Variants in POLN observed in about 807,000 individuals in gnomAD.
POLN encodes the protein DNA polymerase nu.
POLN carries 108 observed loss-of-function variants against 113.5 expected under a neutral mutation model. That is an observed-to-expected ratio of 0.95 (90% confidence interval 0.81 to 1.12). POLN has a LOEUF of 1.12. Among genes scored for constraint, POLN ranks in the 50% most tolerant of loss-of-function variants. The pLI, the probability that POLN is intolerant of heterozygous loss-of-function variation, is 0.00. For synonymous variants in POLN, 386 were observed against 391.5 expected (o/e 0.99, Z 0.17); for missense variants, 1,097 against 1,077.1 (o/e 1.02, Z -0.26).
At chr4:2,197,863 C>T (rs1229218159) in intron 6 of POLN, among the ~76,000 whole-genome samples, 1 of 152,168 alleles carries the variant, frequency 6.6e-6, no homozygotes, top group East Asian at 1.9e-4. Flanking sequence ...GGCCTTAAAT[C>T]AGAGGGCTGG....
chr4:2,106,740 T>G (rs1462955961), intron 19 of POLN, among the ~76,000 whole-genome samples: 3 of 152,198 alleles, frequency 2.0e-5, no homozygotes, highest in Non-Finnish European at 2.9e-5. Context: ...TCATTTTTTT[T>G]CCATTGATCT....
chr4:2,093,084 C>T lies in POLN; in HGVS notation c.2065+2767G>A, dbSNP rs1353503042. On this transcript the variant is annotated intron_variant, in intron 20 of 25. Transcript: ENST00000511885. The surrounding 1 kb of genome is among the most constrained non-coding windows in gnomAD (Gnocchi z 4.1). ...CAGTGCTTATTTACAAAATGTAGCTCTTTTCCTCTCCAGAAAAAAAAAAAA... is the reference window on the plus strand; with the variant it reads ...CAGTGCTTATTTACAAAATGTAGCTTTTTTCCTCTCCAGAAAAAAAAAAAA... Among the ~76,000 whole-genome samples the T allele has an allele frequency of 6.6e-6, 1 of 151,514 alleles. No individual in the cohort carries two copies. Among genetic ancestry groups the T allele is most frequent in the African/African-American group, 2.4e-5 (1 of 40,938 alleles).
intron 3 of POLN, among the ~76,000 whole-genome samples, chr4:2,225,224 A>G (rs1444265155): frequency 6.6e-6 from 1 of 152,164 alleles, no homozygotes; most frequent in Non-Finnish European, 1.5e-5. Context: ...AGCAAAAAAA[A>G]CCTTGAACCT....
intron 13 of POLN, among the ~76,000 whole-genome samples, chr4:2,162,221 C>T (rs534348319): frequency 2.6e-5 from 4 of 152,282 alleles, no homozygotes; most frequent in South Asian, 2.1e-4. Flanking sequence ...ACACTCACTG[C>T]GAAGGTCTGC....
intron 5 of POLN, among the ~76,000 whole-genome samples, chr4:2,200,321 G>A (rs1358024597): frequency 6.6e-6 from 1 of 152,202 alleles, no homozygotes; most frequent in Non-Finnish European, 1.5e-5. Flanking sequence ...CAGATGGGAG[G>A]CAGGACTAGA....
chr4:2,119,687 A>G (rs1731397533), intron 19 of POLN, among the ~76,000 whole-genome samples: 1 of 152,222 alleles, frequency 6.6e-6, no homozygotes, highest in African/African-American at 2.4e-5. Flanking sequence ...TGTTTCAAAC[A>G]ATAAGGCATT....
chr4:2,123,318 C>T (rs1731494768), intron 19 of POLN, among the ~76,000 whole-genome samples: 1 of 151,418 alleles, frequency 6.6e-6, no homozygotes, highest in Admixed American at 6.6e-5. Context: ...GGCGAAACCT[C>T]ATCTCTACTA....
At chr4:2,080,804 A>G (rs979124741) in intron 23 of POLN, 154 bp downstream of exon 23, 1 of 1,509,502 alleles carries the variant, frequency 6.6e-7, no homozygotes, top group Non-Finnish European at 8.8e-7. Flanking sequence ...TGCTGTGAGT[A>G]GCCCCCAGGG....
chr4:2,086,789 T>G (rs1246189332), intron 20 of POLN, among the ~76,000 whole-genome samples: 1 of 152,180 alleles, frequency 6.6e-6, no homozygotes, highest in Admixed American at 6.5e-5. Flanking sequence ...GGACCAGCAG[T>G]GGTCTTGGCT....
chr4:2,100,859 G>T (rs540625624), intron 19 of POLN, among the ~76,000 whole-genome samples: 1 of 152,316 alleles, frequency 6.6e-6, no homozygotes, highest in Admixed American at 6.5e-5. Context: ...GGGAAACTAT[G>T]AAGTTAAATG....
intron 24 of POLN, among the ~76,000 whole-genome samples, chr4:2,073,625 G>C (rs1279124875): frequency 6.6e-6 from 1 of 152,250 alleles, no homozygotes; most frequent in Non-Finnish European, 1.5e-5. Flanking sequence ...GCCTGGGCAG[G>C]GGCCAGAGGT....
chr4:2,179,082 T>G (rs1468040221), intron 8 of POLN, among the ~76,000 whole-genome samples: 1 of 152,204 alleles, frequency 6.6e-6, no homozygotes, highest in Non-Finnish European at 1.5e-5. Flanking sequence ...AGAGTCACAC[T>G]ATGGACAGAT....
In POLN at chr4:2,085,599, T is replaced by A. The variant is rs1730529461; in HGVS notation, c.2197+14A>T. On this transcript the variant is annotated intron_variant, in intron 21 of 25. Coordinates refer to ENST00000511885, the MANE Select transcript of POLN (RefSeq NM_181808.4). ...TTGGCAGGGAGCAGGGAGCTCTGGT[T>A]GTGGCCAACTCACCTGTCTGGTGAC... The A allele has an allele frequency of 1.2e-6, 2 of 1,613,456 alleles. No individual in the cohort carries two copies. Among genetic ancestry groups the A allele is most frequent in the Admixed American group, 1.7e-5 (1 of 59,988 alleles).
chr4:2,174,690 C>A lies in POLN; in HGVS notation c.1309+1G>T. The A allele has an allele frequency of 1.9e-6, 3 of 1,605,824 alleles. No homozygotes were observed. The highest frequency in any genetic ancestry group is 1.1e-5 in the South Asian group (1 of 90,864). ...TGTACTTCATCTTTATGGTAACTTA[C>A]CTGCCAAAATTGGTATCAGAGGAAG... On this transcript the variant is annotated splice_donor_variant, in intron 10 of 25. Transcript: ENST00000511885. LOFTEE classifies it high-confidence loss of function.
chr4:2,101,130 GAGT>G (rs1730912534), intron 19 of POLN, among the ~76,000 whole-genome samples: 2 of 151,592 alleles, frequency 1.3e-5, no homozygotes, highest in Non-Finnish European at 2.9e-5. Flanking sequence ...GGTCCAGATT[GAGT>G]ACATGCCTAA....
At chr4:2,202,122 AC>A (rs1733730390) in intron 5 of POLN, among the ~76,000 whole-genome samples, 1 of 152,196 alleles carries the variant, frequency 6.6e-6, no homozygotes, top group Non-Finnish European at 1.5e-5. Flanking sequence ...AATTAAAAAA[AC>A]AAAACAAAAC....
rs1015203085 is a variant in POLN at position 2,128,198 on chromosome 4, T to C, written c.1897A>G (p.Thr633Ala). Reference sequence around the variant, plus strand: ...AGTTCCGGATCTCCAGATAAATGTGTAAGAATGCGCAATTCAATCTGTGAA... The same window carrying C: ...AGTTCCGGATCTCCAGATAAATGTGCAAGAATGCGCAATTCAATCTGTGAA... Reference protein sequence around the residue: ...DFSQIELRILTHLSGDPELLK... With the variant: ...DFSQIELRILAHLSGDPELLK... Residue 633 changes from threonine to alanine, a missense_variant, in exon 19 of 26, where the codon ACA becomes GCA. Physicochemically the swap from Thr to Ala is moderately conservative, Grantham distance 58. Coordinates refer to ENST00000511885, the MANE Select transcript of POLN (RefSeq NM_181808.4). 3.1e-6 allele frequency: 5 copies of C among 1,610,780 alleles called. No homozygotes were observed. The highest frequency in any genetic ancestry group is 1.3e-5 in the African/African-American group (1 of 74,854).
chr4:2,159,154 C>G lies in POLN; in HGVS notation c.1611+1G>C. 1 of 1,602,550 alleles carries G rather than the reference C, an allele frequency of 6.2e-7. No homozygotes were observed. Among genetic ancestry groups the G allele is most frequent in the Non-Finnish European group, 8.5e-7 (1 of 1,169,982 alleles). On this transcript the variant is annotated splice_donor_variant, in intron 14 of 25. Transcript: ENST00000511885. LOFTEE classifies it high-confidence loss of function. ...TTTTACGTACAAAAAAATTAACTTA[C>G]CTGCCTGTATTCCAAAATTATCTTG...
At chr4:2,098,471 T>A (rs1730848945) in intron 19 of POLN, among the ~76,000 whole-genome samples, 1 of 152,220 alleles carries the variant, frequency 6.6e-6, no homozygotes, top group African/African-American at 2.4e-5. Context: ...AAAATATTTT[T>A]AAACTTAACC....
Sources: gnomAD v4.1 joint callset for allele counts (sites outside exome capture counted in the v4.1 genomes callset) on GRCh38, gnomAD v4.1.1 for gene constraint, Gnocchi (gnomAD v3.1) non-coding constraint, MANE v1.5 for transcripts, NCBI Gene and HGNC (gene_info 2026-07-23, HGNC 2026-07-21) for gene names.